MED13L: variants seen among roughly 807,000 people sequenced by gnomAD.
MED13L encodes mediator of RNA polymerase II transcription subunit 13-like.
Under a neutral mutation model 220.9 loss-of-function variants are expected in MED13L, and 7 were observed. That is an observed-to-expected ratio of 0.03 (90% CI 0.02 to 0.06). The LOEUF is 0.06. Among genes scored for constraint, MED13L ranks in the 10% least tolerant of loss-of-function variants. The pLI is 1.00. For missense variants in MED13L, 1,965 were observed against 2,760.5 expected (o/e 0.71, Z 6.46); for synonymous variants, 1,011 against 1,015.2 (o/e 1.00, Z 0.08).
intron 1 of MED13L, among the ~76,000 whole-genome samples, chr12:116,255,492 G>C (rs1871967257): frequency 6.6e-6 from 1 of 152,128 alleles, no homozygotes; most frequent in South Asian, 2.1e-4. Context: ...CTTAGGACAT[G>C]AAAAGTATAG....
At chr12:116,249,686 T>C (rs1356698038) in intron 1 of MED13L, among the ~76,000 whole-genome samples, 1 of 26,918 alleles carries the variant, frequency 3.7e-5, no homozygotes, top group Non-Finnish European at 7.3e-5. Flanking sequence ...ATGCAAAATA[T>C]AAAATGAAAA....
intron 2 of MED13L, among the ~76,000 whole-genome samples, chr12:116,129,409 G>C (rs973904702): frequency 6.6e-6 from 1 of 151,966 alleles, no homozygotes; most frequent in Non-Finnish European, 1.5e-5. Flanking sequence ...AAAAAGCAAG[G>C]CCCTTTTTAA....
chr12:116,250,776 CAAAAAAAAAAAA>C (rs772459455), intron 1 of MED13L, among the ~76,000 whole-genome samples: 1 of 76,784 alleles, frequency 1.3e-5, no homozygotes, highest in Admixed American at 1.6e-4. Flanking sequence ...GACTCCTCCT[CAAAAAAAAAAAA>C]AAAAAAAAAA....
At chr12:116,012,634 C>A (rs1345836384) in intron 9 of MED13L, among the ~76,000 whole-genome samples, 163 bp downstream of exon 9, 1 of 152,114 alleles carries the variant, frequency 6.6e-6, no homozygotes, top group Non-Finnish European at 1.5e-5. Flanking sequence ...TGAGTCCTGA[C>A]AATAAAACTG....
At chr12:116,257,390 G>A (rs1051935904) in intron 1 of MED13L, among the ~76,000 whole-genome samples, 1 of 152,200 alleles carries the variant, frequency 6.6e-6, no homozygotes, top group South Asian at 2.1e-4. Context: ...GTAAGGCCTT[G>A]AAGTATGGCC....
At chr12:116,269,356 T>C (rs1275251314) in intron 1 of MED13L, among the ~76,000 whole-genome samples, 1 of 150,420 alleles carries the variant, frequency 6.6e-6, no homozygotes, top group Non-Finnish European at 1.5e-5. Context: ...GCACCCGGCC[T>C]ATCATCTAGG....
chr12:116,038,955 T>G (rs537617376), intron 4 of MED13L, among the ~76,000 whole-genome samples: 2 of 152,156 alleles, frequency 1.3e-5, no homozygotes, highest in South Asian at 4.2e-4. Flanking sequence ...CTTAAATACT[T>G]CTCTAATGAG....
intron 4 of MED13L, among the ~76,000 whole-genome samples, chr12:116,056,508 G>C (rs558757256): frequency 6.6e-6 from 1 of 152,160 alleles, no homozygotes; most frequent in Non-Finnish European, 1.5e-5. Flanking sequence ...TGGGATTACA[G>C]GCATGAGCCA....
In MED13L at chr12:116,019,228, G is replaced by C; in HGVS notation, c.1005C>G (p.Ile335Met). The C allele has an allele frequency of 6.2e-7, 1 of 1,613,406 alleles. No homozygotes were observed. The highest frequency in any genetic ancestry group is 8.5e-7 in the Non-Finnish European group (1 of 1,179,742). ...LTPPTSPEQAILGESGGMQSA... is the reference protein window; with the variant it reads ...LTPPTSPEQAMLGESGGMQSA... ...ACACTCCTGGATCCTACTCACCTAG[G>C]ATAGCCTGTTCTGGAGAGGTGGGAG... Residue 335 changes from isoleucine (I) to methionine (M), a missense_variant, in exon 7 of 31, where the codon ATC becomes ATG. Coordinates refer to ENST00000281928, the MANE Select transcript of MED13L (RefSeq NM_015335.5).
chr12:116,175,024 T>C (rs2138197207), intron 2 of MED13L, among the ~76,000 whole-genome samples: 1 of 152,220 alleles, frequency 6.6e-6, no homozygotes, highest in Admixed American at 6.5e-5. Flanking sequence ...ATCACACCAC[T>C]GCACTCCAGC....
intron 2 of MED13L, among the ~76,000 whole-genome samples, chr12:116,134,582 C>A (rs1297809013): frequency 6.6e-6 from 1 of 152,080 alleles, no homozygotes; most frequent in Non-Finnish European, 1.5e-5. Flanking sequence ...ACAGATTTTT[C>A]ATAAAACTTT....
intron 3 of MED13L, among the ~76,000 whole-genome samples, chr12:116,102,435 A>C (rs185035659): frequency 6.6e-6 from 1 of 152,270 alleles, no homozygotes; most frequent in East Asian, 1.9e-4. Context: ...TCCCTACCAT[A>C]ATCTCAACAA....
chr12:115,999,735 T>C (rs926168408), intron 14 of MED13L, among the ~76,000 whole-genome samples: 1 of 152,050 alleles, frequency 6.6e-6, no homozygotes, highest in African/African-American at 2.4e-5. Flanking sequence ...GTAAGAAACA[T>C]AATAAAGGCA....
chr12:116,129,038 C>A (rs538906103), intron 2 of MED13L, among the ~76,000 whole-genome samples: 1 of 152,116 alleles, frequency 6.6e-6, no homozygotes, highest in East Asian at 1.9e-4. Flanking sequence ...CCTGGAAAAT[C>A]AGCTTCCATA....
chr12:116,095,401 T>C (rs1047488825), intron 4 of MED13L, among the ~76,000 whole-genome samples: 4 of 152,312 alleles, frequency 2.6e-5, no homozygotes, highest in Admixed American at 6.5e-5. Context: ...AAACTTCCGG[T>C]CCCTAATTTA....
chr12:116,116,555 G>A (rs1874538668), intron 2 of MED13L, among the ~76,000 whole-genome samples: 1 of 151,986 alleles, frequency 6.6e-6, no homozygotes, highest in Admixed American at 6.6e-5. Flanking sequence ...TGAGTTCTGT[G>A]AGCCATTCTA....
At chr12:116,269,530 T>G (rs1281369378) in intron 1 of MED13L, among the ~76,000 whole-genome samples, 1 of 148,548 alleles carries the variant, frequency 6.7e-6, no homozygotes, top group African/African-American at 2.5e-5. Flanking sequence ...AAGAGGATCC[T>G]TTAACAGTAA....
At chr12:116,179,891 T>A (rs973908267) in intron 2 of MED13L, among the ~76,000 whole-genome samples, 1 of 152,156 alleles carries the variant, frequency 6.6e-6, no homozygotes, top group African/African-American at 2.4e-5. Context: ...TCTGTGACCA[T>A]GTCTATTAAA....
chr12:116,214,142 A>G (rs564704243), intron 2 of MED13L, among the ~76,000 whole-genome samples: 2 of 152,330 alleles, frequency 1.3e-5, no homozygotes, highest in African/African-American at 4.8e-5. Flanking sequence ...TTCACTTAAA[A>G]CAAAAAAGTC....
Sources: allele counts gnomAD v4.1 joint callset (sites outside exome capture counted in the v4.1 genomes callset), GRCh38; gene constraint gnomAD v4.1.1; transcripts MANE v1.5; gene names NCBI Gene and HGNC (gene_info 2026-07-23, HGNC 2026-07-21).